The following TG variants were observed in gnomAD, a reference collection of about 807,000 sequenced individuals.
TG encodes the protein thyroid hormones.
A neutral mutation model predicts 324.7 loss-of-function variants in TG; 270 were observed. That is an observed-to-expected ratio of 0.83 (90% CI 0.75 to 0.92). The LOEUF (loss-of-function observed/expected upper bound fraction) is 0.92, where lower values mean the gene tolerates loss of function less well. TG is among the 40% of genes least tolerant of loss of function. The pLI is 0.00. For synonymous variants in TG, 1,401 were observed against 1,327.0 expected (o/e 1.06, Z -1.21); for missense variants, 3,591 against 3,456.4 (o/e 1.04, Z -0.98).
In TG at chr8:132,935,776, C is replaced by A; in HGVS notation, c.4953C>A (p.Asn1651Lys). 3.1e-6 allele frequency: 5 copies of A among 1,612,988 alleles called. No individual in the cohort carries two copies. The highest frequency in any genetic ancestry group is 4.2e-6 in the Non-Finnish European group (5 of 1,179,994). The change falls in exon 25 of 48, where the codon AAC (asparagine) becomes AAA (lysine). Residue 1651 changes from asparagine (N) to lysine (K), a missense_variant. Asn to Lys is a moderately conservative substitution (Grantham distance 94, BLOSUM62 0). Coordinates refer to ENST00000220616, the MANE Select transcript of TG (RefSeq NM_003235.5). ...TSDQKRDALG[N>K]SKATSFGSLR... ...TCCAGAAACGAGATGCACTGGGGAA[C>A]TCAAAGGCCACCAGCTTTGGAAGTC...
chr8:133,019,593 T>C lies in TG; in HGVS notation c.6783-9T>C, dbSNP rs756843450. On this transcript the variant is annotated splice_polypyrimidine_tract_variant and intron_variant, in intron 38 of 47. Transcript: ENST00000220616. ...CATGTCTTGGAAGTCACCCAGTCTG[T>C]ATCTGCAGGGCCAGCTGCTGGCAGC... The C allele has an allele frequency of 1.9e-6, 3 of 1,613,144 alleles. No individual in the cohort carries two copies. The South Asian group carries it at 3.3e-5, about 18-fold the overall frequency.
intron 41 of TG, among the ~76,000 whole-genome samples, chr8:133,052,528 G>T (rs2252553): frequency 0.35 from 53,503 of 152,018 alleles, 10,346 homozygotes; most frequent in Non-Finnish European, 0.45. Context: ...CCAAACCTGT[G>T]GGGGCAGCTC....
intron 1 of TG, among the ~76,000 whole-genome samples, chr8:132,867,531 T>G (rs1357500299): frequency 1.3e-5 from 2 of 151,988 alleles, no homozygotes; most frequent in African/African-American, 2.4e-5. Flanking sequence ...CTGTTTTTTT[T>G]TTTTTTTTTT....
chr8:132,872,403 G>A (rs1327811583), intron 4 of TG, among the ~76,000 whole-genome samples: 4 of 150,636 alleles, frequency 2.7e-5, no homozygotes, highest in Non-Finnish European at 2.9e-5. Context: ...GCGTGAACCC[G>A]GGAGGTGGAG....
At chr8:132,967,634 G>A (rs1828820732) in intron 30 of TG, among the ~76,000 whole-genome samples, 160 bp from the exon 31 acceptor site, 1 of 152,130 alleles carries the variant, frequency 6.6e-6, no homozygotes, top group Admixed American at 6.5e-5. Context: ...CAGCGTTTTT[G>A]CATGGGCCTT....
intron 41 of TG, among the ~76,000 whole-genome samples, chr8:133,082,519 C>A (rs984020567): frequency 6.6e-6 from 1 of 152,170 alleles, no homozygotes; most frequent in Admixed American, 6.5e-5. Context: ...TCCTGATAAT[C>A]GACTAGCTTG....
intron 8 of TG, 195 bp downstream of exon 8, chr8:132,883,194 G>A (rs1335962371): frequency 1.1e-5 from 7 of 628,908 alleles, no homozygotes; most frequent in South Asian, 2.0e-5. Flanking sequence ...GTCAGACCTC[G>A]TTGCATTTTC....
Position 132,910,264 on chromosome 8 carries a change from G to C in TG, c.4003-1113G>C, listed in dbSNP as rs111580143. Among the ~76,000 whole-genome samples, 192 of 152,292 alleles carry C rather than the reference G, an allele frequency of 1.3e-3. 1 individual carries two copies. Among genetic ancestry groups the C allele is most frequent in the African/African-American group, 4.2e-3 (175 of 41,572 alleles). ...GGGGCTGGCTTTCAGGGCCCTGTCT[G>C]CATTCTGAAGAAGGTAGTTGAGGCC... On this transcript the variant is annotated intron_variant, in intron 18 of 47. Coordinates refer to ENST00000220616, the MANE Select transcript of TG (RefSeq NM_003235.5).
At chr8:132,928,892 C>T (rs1375727474) in intron 22 of TG, among the ~76,000 whole-genome samples, 184 bp from the exon 23 acceptor site, 1 of 152,152 alleles carries the variant, frequency 6.6e-6, no homozygotes, top group Non-Finnish European at 1.5e-5. Flanking sequence ...AGTTGTAACT[C>T]TCAGTTTTAG....
intron 41 of TG, among the ~76,000 whole-genome samples, chr8:133,080,808 A>T (rs1845627924): frequency 6.6e-6 from 1 of 152,086 alleles, no homozygotes; most frequent in Non-Finnish European, 1.5e-5. Flanking sequence ...TCCTGTGTGG[A>T]TGCCTTTCCC....
intron 41 of TG, among the ~76,000 whole-genome samples, chr8:133,064,895 T>A (rs184606277): frequency 2.0e-4 from 31 of 152,244 alleles, no homozygotes; most frequent in Admixed American, 1.2e-3. Flanking sequence ...CCCGAACCCC[T>A]TTATCGTGCA....
chr8:133,031,604 C>G (rs1458497096), intron 41 of TG, among the ~76,000 whole-genome samples: 1 of 152,160 alleles, frequency 6.6e-6, no homozygotes, highest in Non-Finnish European at 1.5e-5. Context: ...TTAACTGTAC[C>G]TCAGCCTTGC....
chr8:133,127,268 C>T (rs533459683), intron 45 of TG, among the ~76,000 whole-genome samples: 10 of 152,266 alleles, frequency 6.6e-5, no homozygotes, highest in African/African-American at 2.4e-4. Flanking sequence ...TAAGCCCAAA[C>T]TTTTGTGGAT....
At chr8:133,025,042 C>T (rs764685267) in intron 40 of TG, among the ~76,000 whole-genome samples, 4 of 152,244 alleles carry the variant, frequency 2.6e-5, no homozygotes, top group East Asian at 1.9e-4. Flanking sequence ...TAGCCTGCCT[C>T]GTGTGTCCCA....
At chr8:133,134,122 T>C (rs891978752) in intron 47 of TG, among the ~76,000 whole-genome samples, 48 of 152,276 alleles carry the variant, frequency 3.2e-4, no homozygotes, top group African/African-American at 1.1e-3. Context: ...GAAATTATAA[T>C]GAAGGCACTG....
At chr8:133,053,522 T>A (rs1352669292) in intron 41 of TG, among the ~76,000 whole-genome samples, 1 of 152,122 alleles carries the variant, frequency 6.6e-6, no homozygotes, top group Non-Finnish European at 1.5e-5. Flanking sequence ...TAGGTGGCCA[T>A]TGTGGAACCA....
intron 10 of TG, among the ~76,000 whole-genome samples, chr8:132,891,993 C>T (rs981462183): frequency 6.6e-6 from 1 of 152,196 alleles, no homozygotes; most frequent in Non-Finnish European, 1.5e-5. Context: ...AACTGCAACA[C>T]TTAAAAGGCT....
chr8:132,968,251 C>T (rs1474096184), intron 31 of TG, among the ~76,000 whole-genome samples: 1 of 152,122 alleles, frequency 6.6e-6, no homozygotes, highest in Non-Finnish European at 1.5e-5. Context: ...AATGTTTATT[C>T]ACACTTAAAA....
intron 11 of TG, among the ~76,000 whole-genome samples, chr8:132,896,165 G>A (rs1009257813): frequency 7.9e-5 from 12 of 152,266 alleles, no homozygotes; most frequent in East Asian, 1.9e-4. Context: ...TATCACAGTT[G>A]TCTTGTTAGG....
Sources: allele counts gnomAD v4.1 joint callset (sites outside exome capture counted in the v4.1 genomes callset), GRCh38; gene constraint gnomAD v4.1.1; transcripts MANE v1.5; gene names NCBI Gene and HGNC (gene_info 2026-07-23, HGNC 2026-07-21).